The following CHL1 variants were observed in gnomAD, a reference collection of about 807,000 sequenced individuals.
The protein encoded by CHL1 is neural cell adhesion molecule L1-like protein.
A neutral mutation model predicts 141.9 loss-of-function variants in CHL1; 96 were observed. That is an observed-to-expected ratio of 0.68 (90% confidence interval 0.57 to 0.80). The LOEUF is 0.80. Among genes scored for constraint, CHL1 ranks in the 30% least tolerant of loss-of-function variants. The pLI is 0.00. For synonymous variants in CHL1, 613 were observed against 502.2 expected (o/e 1.22, Z -2.95); for missense variants, 1,820 against 1,457.2 (o/e 1.25, Z -4.05).
intron 2 of CHL1, among the ~76,000 whole-genome samples, chr3:276,551 G>C (rs2125270802): frequency 6.6e-6 from 1 of 152,222 alleles, no homozygotes; most frequent in South Asian, 2.1e-4. Flanking sequence ...GTCGTACACT[G>C]ATCTCAAAAA....
rs1433573265 is a variant in CHL1 at position 409,233 on chromosome 3, C to T, written c.*3522C>T. The T allele has an allele frequency of 1.3e-5, 2 of 152,058 alleles. No homozygotes were observed. Among genetic ancestry groups the T allele is most frequent in the African/African-American group, 2.4e-5 (1 of 41,426 alleles). 9.4% of individuals were successfully genotyped at this position (152,058 alleles called of 1,614,324 possible). A position where few individuals can be genotyped will look rare whatever the true frequency, so the allele number is the denominator to read the frequency against. On this transcript the variant is annotated 3_prime_UTR_variant, in exon 28 of 28. Transcript: ENST00000256509. ...CAAAAGAGATGAAAGGTATGTAGAA[C>T]AGGTTCACGTGATTACCTTTTTCTT... is the stretch of plus-strand genomic sequence containing the variant.
Position 392,786 on chromosome 3 carries a change from C to T in CHL1, c.2914+989C>T, listed in dbSNP as rs149213343. 1.7e-3 allele frequency among the ~76,000 whole-genome samples: 265 copies of T among 152,306 alleles called. 1 individual carries two copies. Among genetic ancestry groups the T allele is most frequent in the African/African-American group, 5.9e-3 (247 of 41,572 alleles). On this transcript the variant is annotated intron_variant, in intron 23 of 27. Coordinates refer to ENST00000256509, the MANE Select transcript of CHL1 (RefSeq NM_006614.4). The stretch of plus-strand genomic sequence containing the variant: ...CTGATGGTTTCTGCTGAAATTAGCA[C>T]GTATGTTTAAATACATACAGGCATA...
At chr3:250,023 G>C (rs1693540464) in intron 2 of CHL1, among the ~76,000 whole-genome samples, 1 of 151,838 alleles carries the variant, frequency 6.6e-6, no homozygotes, top group African/African-American at 2.4e-5. Context: ...TTGGAATGTA[G>C]TGGTGCAATC....
chr3:354,789 T>C lies in CHL1; in HGVS notation c.1165+18T>C, dbSNP rs756219692. ...AGTTGACAGTAAGTTTAAAAACCAATTGCAATGCAATGCTGAAGGCCCTGG... is the reference window on the plus strand; with the variant it reads ...AGTTGACAGTAAGTTTAAAAACCAACTGCAATGCAATGCTGAAGGCCCTGG... On this transcript the variant is annotated intron_variant, in intron 11 of 27. Coordinates refer to ENST00000256509, the MANE Select transcript of CHL1 (RefSeq NM_006614.4). The C allele has an allele frequency of 4.5e-5, 73 of 1,612,540 alleles. No homozygotes were observed. Among genetic ancestry groups the C allele is most frequent in the Non-Finnish European group, 5.8e-5 (68 of 1,179,218 alleles).
At chr3:301,380 A>G (rs185297236) in intron 2 of CHL1, among the ~76,000 whole-genome samples, 3 of 152,338 alleles carry the variant, frequency 2.0e-5, no homozygotes, top group Admixed American at 2.0e-4. Context: ...AAAATGAAAA[A>G]GGAAACTGTT....
chr3:398,719 C>T (rs959340482), intron 25 of CHL1, among the ~76,000 whole-genome samples: 4 of 152,180 alleles, frequency 2.6e-5, no homozygotes, highest in South Asian at 2.1e-4. Flanking sequence ...AGGCAGCTTG[C>T]GCTTTTGTTT....
At chr3:299,059 T>C (rs988324590) in intron 2 of CHL1, among the ~76,000 whole-genome samples, 1 of 152,226 alleles carries the variant, frequency 6.6e-6, no homozygotes, top group Non-Finnish European at 1.5e-5. Flanking sequence ...ATACTTATTC[T>C]GCTGACATTT....
intron 2 of CHL1, among the ~76,000 whole-genome samples, chr3:257,398 G>A (rs1274461280): frequency 6.9e-6 from 1 of 145,696 alleles, no homozygotes; most frequent in Non-Finnish European, 1.5e-5. Flanking sequence ...CTGTAGTCCA[G>A]GCTGGAGTGC....
intron 2 of CHL1, among the ~76,000 whole-genome samples, chr3:284,307 T>C (rs1298021877): frequency 1.3e-5 from 2 of 152,194 alleles, no homozygotes; most frequent in Non-Finnish European, 2.9e-5. Flanking sequence ...CAAACAAAGA[T>C]GTGAAAAATT....
chr3:198,853 G>T (rs374956838), intron 1 of CHL1, among the ~76,000 whole-genome samples: 13 of 152,342 alleles, frequency 8.5e-5, no homozygotes, highest in African/African-American at 2.9e-4. Flanking sequence ...CTCCTACGAA[G>T]CTCTGCCTTG....
intron 3 of CHL1, among the ~76,000 whole-genome samples, chr3:321,856 T>A (rs150968991): frequency 3.9e-4 from 59 of 152,220 alleles, no homozygotes; most frequent in African/African-American, 1.4e-3. Flanking sequence ...AGGAGTCTGG[T>A]GTCTCTGTAA....
intron 5 of CHL1, among the ~76,000 whole-genome samples, chr3:331,490 C>T (rs1474451655): frequency 1.3e-5 from 2 of 152,134 alleles, no homozygotes; most frequent in South Asian, 2.1e-4. Context: ...AATCTTCCTG[C>T]CTCAGTGTCC....
chr3:337,920 T>C (rs1471925285), intron 5 of CHL1, among the ~76,000 whole-genome samples: 2 of 152,224 alleles, frequency 1.3e-5, no homozygotes, highest in African/African-American at 4.8e-5. Context: ...ATGGTATTTC[T>C]AGTTCTAGAT....
At chr3:311,506 C>T (rs1260260870) in intron 2 of CHL1, among the ~76,000 whole-genome samples, 2 of 152,064 alleles carry the variant, frequency 1.3e-5, no homozygotes, top group Non-Finnish European at 2.9e-5. Context: ...CGGCTCCTGC[C>T]CACTGGATGC....
intron 23 of CHL1, among the ~76,000 whole-genome samples, chr3:392,186 C>T (rs910585815): frequency 6.6e-6 from 1 of 152,132 alleles, no homozygotes; most frequent in Admixed American, 6.5e-5. Flanking sequence ...ACACAAAACA[C>T]GTGTTTAATG....
intron 2 of CHL1, among the ~76,000 whole-genome samples, chr3:257,171 C>G (rs1354941156): frequency 6.6e-6 from 1 of 152,048 alleles, no homozygotes; most frequent in Non-Finnish European, 1.5e-5. Flanking sequence ...GAAGGGATAT[C>G]AAATGATCAT....
intron 7 of CHL1, 62 bp downstream of exon 7, chr3:342,144 C>T (rs1043846589): frequency 1.4e-6 from 2 of 1,460,814 alleles, no homozygotes; most frequent in Non-Finnish European, 9.4e-7. Context: ...CTGTAATTTC[C>T]TTCTGGCTGA....
Position 361,723 on chromosome 3 carries a change from A to C in CHL1, c.1331A>C (p.Lys444Thr). ...GATGTCCGTCCATTGATACAAACCA[A>C]AGATGGAGAAAATTACGCTACAGTG... ...VVDVRPLIQT[K>T]DGENYATVVG... The change falls in exon 13 of 28, where the codon AAA (lysine) becomes ACA (threonine). Residue 444 changes from lysine to threonine, a missense_variant. By Grantham distance (78) the Lys-to-Thr change is moderately conservative. Transcript: ENST00000256509. 1 of 1,613,350 alleles carries C rather than the reference A, an allele frequency of 6.2e-7. No homozygotes were observed. The highest frequency in any genetic ancestry group is 2.2e-5 in the East Asian group (1 of 44,866).
At chr3:340,212 A>G (rs1180768523) in intron 5 of CHL1, among the ~76,000 whole-genome samples, 1 of 152,154 alleles carries the variant, frequency 6.6e-6, no homozygotes, top group Non-Finnish European at 1.5e-5. Context: ...CATTTCATTT[A>G]AATTTTTATT....
Sources: allele counts gnomAD v4.1 joint callset (sites outside exome capture counted in the v4.1 genomes callset), GRCh38; gene constraint gnomAD v4.1.1; transcripts MANE v1.5; gene names NCBI Gene and HGNC (gene_info 2026-07-23, HGNC 2026-07-21).